BMERB1: variants seen among roughly 807,000 people sequenced by gnomAD.
BMERB1 encodes the protein bMERB domain-containing protein 1.
In BMERB1, 12 loss-of-function variants were observed where a neutral mutation model predicts 23.6. The ratio of observed to expected loss-of-function variants is 0.51; its 90% CI spans 0.33 to 0.82. BMERB1 has a LOEUF of 0.82. BMERB1 is among the 40% of genes least tolerant of loss of function. The pLI is 0.03. For synonymous variants in BMERB1, 122 were observed against 96.6 expected (o/e 1.26, Z -1.54); for missense variants, 247 against 255.4 (o/e 0.97, Z 0.22).
intron 1 of BMERB1, among the ~76,000 whole-genome samples, chr16:15,461,905 G>A (rs2051138627): frequency 6.6e-6 from 1 of 152,052 alleles, no homozygotes; most frequent in Admixed American, 6.6e-5. Context: ...CTGCACTCCA[G>A]CCTGGGTAAC....
intron 1 of BMERB1, among the ~76,000 whole-genome samples, chr16:15,492,307 T>G (rs2051428497): frequency 6.6e-6 from 1 of 152,138 alleles, no homozygotes; most frequent in Admixed American, 6.5e-5. Context: ...AGTCGACCCT[T>G]CCCAAACCAC....
intron 2 of BMERB1, among the ~76,000 whole-genome samples, chr16:15,544,889 G>A (rs935189813): frequency 1.3e-5 from 2 of 152,272 alleles, no homozygotes; most frequent in Middle Eastern, 3.4e-3. Flanking sequence ...TCCACTTCCT[G>A]ACAACATCCA....
chr16:15,521,563 G>C (rs949843262), intron 2 of BMERB1, among the ~76,000 whole-genome samples: 1 of 152,156 alleles, frequency 6.6e-6, no homozygotes, highest in Non-Finnish European at 1.5e-5. Context: ...CAAGTTCACA[G>C]ACCAGCCATA....
In BMERB1 at chr16:15,496,700, G is replaced by A. The variant is rs879749042; in HGVS notation, c.107-18605G>A. Among the ~76,000 whole-genome samples the A allele has an allele frequency of 7.2e-5, 11 of 151,964 alleles. No individual in the cohort carries two copies. In the East Asian group the frequency reaches 1.7e-3, roughly 24 times the overall value. ...ACTACAGGCGCCCGCCACCACGCCC[G>A]GCTAATTTTTTTTATTTTTAGTAGA... On this transcript the variant is annotated intron_variant, in intron 1 of 5. Coordinates refer to ENST00000300006, the MANE Select transcript of BMERB1 (RefSeq NM_033201.3).
At chr16:15,468,606 T>C (rs1031451559) in intron 1 of BMERB1, among the ~76,000 whole-genome samples, 3 of 152,154 alleles carry the variant, frequency 2.0e-5, no homozygotes, top group Admixed American at 2.0e-4. Context: ...GAGGGCTCCA[T>C]TCAGATGGTT....
In BMERB1 at chr16:15,588,016, A is replaced by G. The variant is rs555428186; in HGVS notation, c.*1187A>G. 4 of 152,012 alleles carry G rather than the reference A, an allele frequency of 2.6e-5. No homozygotes were observed. The highest frequency in any genetic ancestry group is 9.7e-5 in the African/African-American group (4 of 41,380). 9.4% of individuals were successfully genotyped at this position (152,012 alleles called of 1,614,324 possible). On this transcript the variant is annotated 3_prime_UTR_variant, in exon 6 of 6. Coordinates refer to ENST00000300006, the MANE Select transcript of BMERB1 (RefSeq NM_033201.3). ...GATTATGGAAGTAATCCATGTACAT[A>G]GTAAATCATTTTAAAAGTACAAAAA...
At chr16:15,470,293 A>G (rs2051217735) in intron 1 of BMERB1, among the ~76,000 whole-genome samples, 1 of 152,142 alleles carries the variant, frequency 6.6e-6, no homozygotes, top group Non-Finnish European at 1.5e-5. Context: ...TTGATTTTCA[A>G]ACTAGCTTTG....
intron 1 of BMERB1, among the ~76,000 whole-genome samples, chr16:15,435,231 A>C (rs1291845371): frequency 1.3e-5 from 2 of 152,098 alleles, no homozygotes; most frequent in East Asian, 1.9e-4. Context: ...TTCGGAGCGC[A>C]CCTGAAATTC....
At chr16:15,466,431 T>A (rs1186166631) in intron 1 of BMERB1, among the ~76,000 whole-genome samples, 2 of 152,170 alleles carry the variant, frequency 1.3e-5, no homozygotes, top group Non-Finnish European at 2.9e-5. Context: ...TTTTCTATTG[T>A]GTTGTCATTG....
intron 2 of BMERB1, among the ~76,000 whole-genome samples, chr16:15,557,488 C>T (rs1489352152): frequency 6.6e-6 from 1 of 152,216 alleles, no homozygotes; most frequent in Non-Finnish European, 1.5e-5. Flanking sequence ...TGATGTCATG[C>T]TTGCAATGAG....
chr16:15,459,595 G>A (rs1030071288), intron 1 of BMERB1, among the ~76,000 whole-genome samples: 1 of 152,174 alleles, frequency 6.6e-6, no homozygotes, highest in African/African-American at 2.4e-5. Context: ...AATAACAAGA[G>A]TAGAAGGGAA....
chr16:15,504,399 T>C (rs547445349), intron 1 of BMERB1, among the ~76,000 whole-genome samples: 1 of 152,304 alleles, frequency 6.6e-6, no homozygotes, highest in African/African-American at 2.4e-5. Context: ...GGAAATTTAA[T>C]GAGGAGTAGA....
chr16:15,498,189 T>C (rs990972698), intron 1 of BMERB1, among the ~76,000 whole-genome samples: 1 of 152,064 alleles, frequency 6.6e-6, no homozygotes, highest in Non-Finnish European at 1.5e-5. Context: ...ATTTTTTTTT[T>C]TTAATCACAC....
chr16:15,514,104 T>C (rs2150950712), intron 1 of BMERB1, among the ~76,000 whole-genome samples: 1 of 151,276 alleles, frequency 6.6e-6, no homozygotes, highest in South Asian at 2.1e-4. Flanking sequence ...CACCCCCATC[T>C]CTACAAAAAA....
intron 3 of BMERB1, among the ~76,000 whole-genome samples, chr16:15,570,883 CTG>C (rs958542158): frequency 5.3e-5 from 8 of 152,102 alleles, no homozygotes; most frequent in African/African-American, 1.9e-4. Context: ...CATTTGTAAA[CTG>C]TCATGGCACT....
At chr16:15,471,359 T>C (rs1428855047) in intron 1 of BMERB1, among the ~76,000 whole-genome samples, 3 of 152,194 alleles carry the variant, frequency 2.0e-5, no homozygotes, top group Non-Finnish European at 4.4e-5. Flanking sequence ...GATTTCTCTT[T>C]TGGGAGTTTT....
At chr16:15,436,548 C>T (rs1481687657) in intron 1 of BMERB1, among the ~76,000 whole-genome samples, 5 of 152,020 alleles carry the variant, frequency 3.3e-5, no homozygotes, top group African/African-American at 4.8e-5. Context: ...TGTGAGGCAC[C>T]CCACCTGCCC....
At chr16:15,512,723 A>C (rs1269253483) in intron 1 of BMERB1, among the ~76,000 whole-genome samples, 2 of 152,054 alleles carry the variant, frequency 1.3e-5, no homozygotes, top group Non-Finnish European at 2.9e-5. Flanking sequence ...TACTAAAAAT[A>C]CAAAAATTAG....
rs1211104155 is a variant in BMERB1, at chr16:15,540,537, A to AT, written c.230+25110dup. Among the ~76,000 whole-genome samples the AT allele has an allele frequency of 2.0e-5, 3 of 152,146 alleles. No individual in the cohort carries two copies. The East Asian group carries it at 5.8e-4, about 29-fold the overall frequency. On this transcript the variant is annotated intron_variant, in intron 2 of 5. Transcript: ENST00000300006. ...TGAGACCCTGTCTCAAATAATAATA[A>AT]TAATAGAGAGGGCTTGAGGCATAGC...
Sources: allele counts gnomAD v4.1 joint callset (sites outside exome capture counted in the v4.1 genomes callset), GRCh38; gene constraint gnomAD v4.1.1; transcripts MANE v1.5; gene names NCBI Gene and HGNC (gene_info 2026-07-23, HGNC 2026-07-21).